UPB1: variants seen among roughly 807,000 people sequenced by gnomAD.
UPB1 encodes beta-ureidopropionase 1, also known as beta-ureidopropionase.
UPB1 carries 40 observed loss-of-function variants against 49.1 expected under a neutral mutation model. The ratio of observed to expected loss-of-function variants is 0.81; its 90% CI spans 0.63 to 1.06. The LOEUF (loss-of-function observed/expected upper bound fraction) is 1.06. Ranked by LOEUF, UPB1 falls within the 50% of genes least tolerant of loss-of-function variation. The pLI, the probability that UPB1 is intolerant of heterozygous loss-of-function variation, is 0.00. For synonymous variants in UPB1, 207 were observed against 198.2 expected (o/e 1.04, Z -0.38); for missense variants, 499 against 505.9 (o/e 0.99, Z 0.13).
chr22:24,504,140 A>G (rs1376222693), intron 3 of UPB1, among the ~76,000 whole-genome samples: 1 of 152,230 alleles, frequency 6.6e-6, no homozygotes, highest in Non-Finnish European at 1.5e-5. Context: ...TAGAGACCAC[A>G]TCCAGCTCCC....
chr22:24,510,771 G>C lies in UPB1; in HGVS notation c.387G>C (p.Thr129=). 2.5e-6 allele frequency: 4 copies of C among 1,614,130 alleles called. No individual in the cohort carries two copies. The highest frequency in any genetic ancestry group is 3.4e-6 in the Non-Finnish European group (4 of 1,180,000). ...EAWTMPFAFC[T]REKLPWTEFA... ...TAGCTATGCCCTTTGCCTTCTGTAC[G>C]AGAGAGAAGCTTCCTTGGACAGAAT... The change falls in exon 4 of 10, where the codon ACG becomes ACC. Residue 129 remains threonine, a synonymous_variant. Coordinates refer to ENST00000326010, the MANE Select transcript of UPB1 (RefSeq NM_016327.3).
At chr22:24,502,704 A>G (rs1368695343) in intron 3 of UPB1, 3 of 590,886 alleles carry the variant, frequency 5.1e-6, no homozygotes, top group African/African-American at 3.7e-5. Context: ...TATCCCCAGC[A>G]TCAACACTGA....
Position 24,495,508 on chromosome 22 carries a change from GT to G in UPB1, c.104+2del, listed in dbSNP as rs2043852946. ...GCGTTCTCTATGGCAAGGAACTCAG[GT>G]CCGCAGCCAAGAGGCTAAGCTAATG... On this transcript the variant is annotated splice_donor_variant, in intron 1 of 9. Transcript: ENST00000326010. LOFTEE classifies it high-confidence loss of function. The G allele has an allele frequency of 6.2e-7, 1 of 1,613,854 alleles. No homozygotes were observed. Among genetic ancestry groups the G allele is most frequent in the Non-Finnish European group, 8.5e-7 (1 of 1,180,022 alleles).
intron 6 of UPB1, among the ~76,000 whole-genome samples, chr22:24,518,548 C>T (rs2044335876): frequency 6.6e-6 from 1 of 152,174 alleles, no homozygotes; most frequent in Admixed American, 6.5e-5. Flanking sequence ...GGGCAAATCC[C>T]CACCAGCATT....
chr22:24,514,077 A>G (rs2044252529), intron 5 of UPB1, among the ~76,000 whole-genome samples: 1 of 152,154 alleles, frequency 6.6e-6, no homozygotes, highest in Non-Finnish European at 1.5e-5. Flanking sequence ...GGTGGGTAAG[A>G]TGGGAGCGGT....
chr22:24,509,360 TGAAAAA>T (rs2044150227), intron 3 of UPB1, among the ~76,000 whole-genome samples: 1 of 76,986 alleles, frequency 1.3e-5, no homozygotes, highest in African/African-American at 6.0e-5. Flanking sequence ...ACCTACTGTT[TGAAAAA>T]AAAAAAAAAA....
chr22:24,520,424 A>AT lies in UPB1; in HGVS notation c.831dup (p.Ala278CysfsTer46). 2 of 1,614,150 alleles carry AT rather than the reference A, an allele frequency of 1.2e-6. No individual in the cohort carries two copies. The highest frequency in any genetic ancestry group is 1.7e-6 in the Non-Finnish European group (2 of 1,180,024). ...GCCCATCGAGGCCAGAAACGCAGCC[A>AT]TTGCCAATCACTGCTTCACCTGCGC... On this transcript the variant is annotated frameshift_variant, in exon 7 of 10. Transcript: ENST00000326010. LOFTEE classifies it high-confidence loss of function.
chr22:24,503,348 CTCA>C (rs2044029026), intron 3 of UPB1: 1 of 152,286 alleles, frequency 6.6e-6, no homozygotes, highest in African/African-American at 2.4e-5. Flanking sequence ...GGGATCCCCC[CTCA>C]TCATCACCCT....
At chr22:24,520,065 A>G in intron 6 of UPB1, 1 of 421,032 alleles carries the variant, frequency 2.4e-6, no homozygotes, top group Non-Finnish European at 4.4e-6. Flanking sequence ...ACTGAGGCTC[A>G]GGATGAGGAT....
At chr22:24,518,547 C>T (rs1462989569) in intron 6 of UPB1, among the ~76,000 whole-genome samples, 1 of 152,076 alleles carries the variant, frequency 6.6e-6, no homozygotes, top group Non-Finnish European at 1.5e-5. Flanking sequence ...TGGGCAAATC[C>T]CCACCAGCAT....
chr22:24,495,612 G>A, intron 1 of UPB1, 105 bp downstream of exon 1: 3 of 1,271,450 alleles, frequency 2.4e-6, no homozygotes, highest in South Asian at 2.4e-5. Flanking sequence ...CAGGGGAGGC[G>A]GTGAGAAGTC....
At chr22:24,496,899 A>T (rs899866203) in intron 1 of UPB1, among the ~76,000 whole-genome samples, 13 of 152,192 alleles carry the variant, frequency 8.5e-5, no homozygotes, top group Admixed American at 5.2e-4. Context: ...GGCTGTTGGC[A>T]GTTCCTGAGA....
At chr22:24,498,834 C>T (rs2043937271) in intron 1 of UPB1, among the ~76,000 whole-genome samples, 1 of 152,196 alleles carries the variant, frequency 6.6e-6, no homozygotes, top group Admixed American at 6.5e-5. Context: ...GGCTCCCAGG[C>T]CCACAGGCCT....
intron 8 of UPB1, 88 bp from the exon 9 acceptor site, chr22:24,523,531 C>T (rs760726808): frequency 2.3e-5 from 36 of 1,589,024 alleles, no homozygotes; most frequent in Non-Finnish European, 2.7e-5. Flanking sequence ...ACTCCGTGTC[C>T]TGGGCCTGCC....
chr22:24,523,817 G>T lies in UPB1; in HGVS notation c.1071+44G>T, dbSNP rs774924284. On this transcript the variant is annotated intron_variant, in intron 9 of 9. Coordinates refer to ENST00000326010, the MANE Select transcript of UPB1 (RefSeq NM_016327.3). ...TGTTGTTGCCTGCTCCTCTGCTTTG[G>T]CCCTCATCCTGCTCTCAGGAACTGC... 2.5e-6 allele frequency: 4 copies of T among 1,612,986 alleles called. No individual in the cohort carries two copies. The African/African-American group carries it at 5.3e-5, about 22-fold the overall frequency.
intron 8 of UPB1, 66 bp from the exon 9 acceptor site, chr22:24,523,553 G>A: frequency 6.2e-7 from 1 of 1,609,484 alleles, no homozygotes; most frequent in Non-Finnish European, 8.5e-7. Context: ...CAAGGTGCCT[G>A]ACCCTCTGTG....
In UPB1 at chr22:24,500,282, C is replaced by CAGACTCT. The variant is rs1160661267; in HGVS notation, c.276+5_276+11dup. 2 of 1,613,888 alleles carry CAGACTCT rather than the reference C, an allele frequency of 1.2e-6. No individual in the cohort carries two copies. The highest frequency in any genetic ancestry group is 1.7e-6 in the Non-Finnish European group (2 of 1,180,036). ...AAATGCCCCTGTGGCAGAACAGGTG[C>CAGACTCT]AGACTCTTTTGACCATAATAAATAC... is the stretch of plus-strand genomic sequence containing the variant. On this transcript the variant is annotated splice_donor_region_variant and intron_variant, in intron 2 of 9. Transcript: ENST00000326010.
intron 2 of UPB1, among the ~76,000 whole-genome samples, chr22:24,501,034 G>A (rs1390606496): frequency 6.6e-6 from 1 of 151,564 alleles, no homozygotes; most frequent in African/African-American, 2.4e-5. Context: ...ATTCACAGAT[G>A]TCTGGTTCTC....
chr22:24,509,361 GAAAAAA>G (rs202081655), intron 3 of UPB1, among the ~76,000 whole-genome samples: 845 of 91,740 alleles, frequency 9.2e-3, no homozygotes, highest in African/African-American at 0.023. Context: ...CCTACTGTTT[GAAAAAA>G]AAAAAAAAAA....
Sources: allele counts gnomAD v4.1 joint callset (sites outside exome capture counted in the v4.1 genomes callset), GRCh38; gene constraint gnomAD v4.1.1; transcripts MANE v1.5; gene names NCBI Gene and HGNC (gene_info 2026-07-23, HGNC 2026-07-21).